Variants in ADAM33 observed in about 807,000 individuals in gnomAD.
ADAM33 encodes ADAM metallopeptidase domain 33.
ADAM33 carries 103 observed loss-of-function variants against 106.2 expected under a neutral mutation model. That is an observed-to-expected ratio of 0.97 (90% CI 0.83 to 1.14). ADAM33 has a LOEUF of 1.14. ADAM33 is among the 50% of genes most tolerant of loss of function. The pLI is 0.00. For missense variants in ADAM33, 1,120 were observed against 1,096.6 expected (o/e 1.02, Z -0.30); for synonymous variants, 483 against 453.0 (o/e 1.07, Z -0.84).
chr20:3,678,999 C>T (rs1000814251), intron 2 of ADAM33, among the ~76,000 whole-genome samples: 4 of 152,062 alleles, frequency 2.6e-5, no homozygotes, highest in Admixed American at 6.6e-5. Context: ...ACTGCCCCCC[C>T]GATACCAGAA....
At chr20:3,676,414 CTTTCTTTTTTTT>C (rs942238982) in intron 3 of ADAM33, among the ~76,000 whole-genome samples, 1 of 150,292 alleles carries the variant, frequency 6.7e-6, no homozygotes, top group African/African-American at 2.5e-5. Flanking sequence ...TTTTTCTTTT[CTTTCTTTTTTTT>C]TTTCTTTTTC....
At chr20:3,671,376 G>A in intron 17 of ADAM33, 31 bp from the exon 18 acceptor site, 20 of 1,611,644 alleles carry the variant, frequency 1.2e-5, no homozygotes, top group Non-Finnish European at 1.7e-5. Flanking sequence ...GGGTCACGTA[G>A]GATTAGGAAC....
rs1183902108 is a variant in ADAM33 at position 3,677,038 on chromosome 20, T to C, written c.254+29A>G. 9 of 1,609,656 alleles carry C rather than the reference T, an allele frequency of 5.6e-6. No homozygotes were observed. In the African/African-American group the frequency reaches 1.2e-4, roughly 22 times the overall value. ...CTGCCCCCCAACACTGATCCCCTCC[T>C]CCCAGCCCTACCCCAGCCTGGCACT... On this transcript the variant is annotated intron_variant, in intron 3 of 21. Coordinates refer to ENST00000356518, the MANE Select transcript of ADAM33 (RefSeq NM_025220.5).
intron 2 of ADAM33, 134 bp downstream of exon 2, chr20:3,679,358 A>AGGCAGGGGC (rs1356842791): frequency 4.8e-6 from 4 of 828,694 alleles, no homozygotes; most frequent in Non-Finnish European, 5.7e-6. Flanking sequence ...GGGGCAGGGG[A>AGGCAGGGGC]GGCAGGGGCC....
intron 3 of ADAM33, among the ~76,000 whole-genome samples, chr20:3,676,710 A>G (rs1462861181): frequency 6.6e-6 from 1 of 152,176 alleles, no homozygotes; most frequent in African/African-American, 2.4e-5. Context: ...AAGCCACCGC[A>G]TCTTGGTCCC....
At chr20:3,681,615 G>A (rs528067165) in intron 1 of ADAM33, among the ~76,000 whole-genome samples, 1 of 152,076 alleles carries the variant, frequency 6.6e-6, no homozygotes. Context: ...ATGGGCTGGG[G>A]GCTGGGCTGC....
At chr20:3,673,997 C>A in intron 8 of ADAM33, 67 bp downstream of exon 8, 1 of 1,609,686 alleles carries the variant, frequency 6.2e-7, no homozygotes, top group Non-Finnish European at 8.5e-7. Flanking sequence ...CTTCCCCAAA[C>A]CCCACCAGCA....
In ADAM33 at chr20:3,675,122, C is replaced by T; in HGVS notation, c.255-17G>A. The T allele has an allele frequency of 1.3e-6, 2 of 1,595,098 alleles. No homozygotes were observed. Among genetic ancestry groups the T allele is most frequent in the South Asian group, 1.1e-5 (1 of 89,724 alleles). ...AGCAGCCTGCTGAGAGGGGGTGTTA[C>T]AGGGAACACTGAATTCAGCTTCCTC... On this transcript the variant is annotated splice_polypyrimidine_tract_variant and intron_variant, in intron 3 of 21. Transcript: ENST00000356518. The surrounding 1 kb of genome is among the most constrained non-coding windows in gnomAD (Gnocchi z 4.1).
chr20:3,677,531 TAGCC>T (rs1568818680), intron 2 of ADAM33, among the ~76,000 whole-genome samples: 1 of 152,126 alleles, frequency 6.6e-6, no homozygotes, highest in African/African-American at 2.4e-5. Context: ...GGGCATCGGG[TAGCC>T]ATGGTCAGGG....
chr20:3,672,512 C>T (rs1412049902), intron 13 of ADAM33, 25 bp downstream of exon 13: 2 of 1,608,800 alleles, frequency 1.2e-6, no homozygotes, highest in Non-Finnish European at 1.7e-6. Flanking sequence ...CCGAAACCCT[C>T]ACCCTGAACC....
intron 1 of ADAM33, 60 bp downstream of exon 1, chr20:3,681,848 C>A: frequency 1.3e-6 from 2 of 1,564,538 alleles, no homozygotes; most frequent in South Asian, 2.4e-5. Flanking sequence ...CAGAACCCAT[C>A]CCCGCCACCA....
chr20:3,672,855 G>A lies in ADAM33; in HGVS notation c.1177C>T (p.Leu393=), dbSNP rs927089566. ...RVFSACSRRQ[L]RAFFRKGGGA... The stretch of plus-strand genomic sequence containing the variant: ...CCCCCCTTGCGGAAGAAGGCGCGCA[G>A]CTGGCGGCGGCTGCAGGCGCTGAAC... The change falls in exon 12 of 22, where the codon CTG becomes TTG. Residue 393 remains leucine, a synonymous_variant. Transcript: ENST00000356518. 10 of 1,576,988 alleles carry A rather than the reference G, an allele frequency of 6.3e-6. No homozygotes were observed. Among genetic ancestry groups the A allele is most frequent in the African/African-American group, 2.7e-5 (2 of 73,656 alleles).
rs979318952 is a variant in ADAM33 at position 3,673,171 on chromosome 20, C to A, written c.1133+183G>T. 9 of 1,510,230 alleles carry A rather than the reference C, an allele frequency of 6.0e-6. No homozygotes were observed. In the East Asian group the frequency reaches 1.7e-4, roughly 29 times the overall value. 93.6% of individuals were successfully genotyped at this position (1,510,230 alleles called of 1,614,324 possible). On this transcript the variant is annotated intron_variant, in intron 11 of 21. Transcript: ENST00000356518. ...GTTACTCGGAAAATAATCTTCATACCGTTGAGAATCCACTTTGCCTGAGCT... is the reference window on the plus strand; with the variant it reads ...GTTACTCGGAAAATAATCTTCATACAGTTGAGAATCCACTTTGCCTGAGCT...
In ADAM33 at chr20:3,674,683, T is replaced by C; in HGVS notation, c.421A>G (p.Thr141Ala). ...TAATAGCTGGCATTCCTGCTGAGGG[T>C]GATCAGGCCACTAGGGTGCAGAGGG... ...CTCSGMSGLITLSRNASYYLR... is the reference protein window; with the variant it reads ...CTCSGMSGLIALSRNASYYLR... Residue 141 changes from threonine (T) to alanine (A), a missense_variant, in exon 6 of 22, where the codon ACC (threonine) becomes GCC (alanine). Transcript: ENST00000356518. 6.2e-7 allele frequency: 1 copy of C among 1,608,954 alleles called. No individual in the cohort carries two copies. Among genetic ancestry groups the C allele is most frequent in the South Asian group, 1.1e-5 (1 of 90,400 alleles).
At chr20:3,677,236 G>T (rs2088052345) in intron 2 of ADAM33, 93 bp from the exon 3 acceptor site, 2 of 1,136,052 alleles carry the variant, frequency 1.8e-6, no homozygotes, top group Non-Finnish European at 2.4e-6. Context: ...TGGGGAGGAA[G>T]TTCTTGGGGA....
In ADAM33 at chr20:3,675,061, T is replaced by C; in HGVS notation, c.299A>G (p.Asp100Gly). ...PGYIETHYGPDGQPVVLAPNH... is the reference protein window; with the variant it reads ...PGYIETHYGPGGQPVVLAPNH... ...GGGGGCCAGCACCACTGGCTGCCCA[T>C]CTGGGCCGTAGTGGGTTTCTATGTA... The change falls in exon 4 of 22, where the codon GAT (aspartate) becomes GGT (glycine). Residue 100 changes from aspartate to glycine, a missense_variant. Asp to Gly is a moderately conservative substitution (Grantham distance 94, BLOSUM62 -1). Coordinates refer to ENST00000356518, the MANE Select transcript of ADAM33 (RefSeq NM_025220.5). This position sits in a 1 kb window ranked among gnomAD's most constrained non-coding sequence, Gnocchi z 4.1. The C allele has an allele frequency of 6.2e-7, 1 of 1,613,406 alleles. No homozygotes were observed. The highest frequency in any genetic ancestry group is 1.3e-5 in the African/African-American group (1 of 75,032).
At position 3,671,935 on chromosome 20, in the gene ADAM33, C is replaced by T. The variant is rs139672396; in HGVS notation, c.1648G>A (p.Asp550Asn). ...ACFQVVNSAGDAHGNCGQDSE... is the reference protein window; with the variant it reads ...ACFQVVNSAGNAHGNCGQDSE... The stretch of plus-strand genomic sequence containing the variant: ...TCCTGGCCGCAGTTTCCATGAGCAT[C>T]TCCCGCAGAGTTCACCACCTGGAAA... Residue 550 changes from aspartate (D) to asparagine (N), a missense_variant, in exon 15 of 22, where the codon GAT becomes AAT. Coordinates refer to ENST00000356518, the MANE Select transcript of ADAM33 (RefSeq NM_025220.5). 148 of 1,556,378 alleles carry T rather than the reference C, an allele frequency of 9.5e-5. No homozygotes were observed. The highest frequency in any genetic ancestry group is 8.3e-4 in the Middle Eastern group (5 of 5,994).
Position 3,673,924 on chromosome 20 carries a change from C to A in ADAM33, c.739-13G>T, listed in dbSNP as rs1035779494. The A allele has an allele frequency of 3.2e-6, 5 of 1,567,938 alleles. No homozygotes were observed. The highest frequency in any genetic ancestry group is 3.4e-6 in the Non-Finnish European group (4 of 1,162,376). On this transcript the variant is annotated splice_polypyrimidine_tract_variant and intron_variant, in intron 8 of 21. Transcript: ENST00000356518. ...GAGTCCTGAGAAGCTGAGGGCGAGG[C>A]GGGGCTGAAGCCGGGACAGGGCGCC...
Position 3,672,176 on chromosome 20 carries a change from A to G in ADAM33, c.1555T>C (p.Cys519Arg), listed in dbSNP as rs1432549895. ...RGSGYCWDGA[C>R]PTLEQQCQQL... ...TGGCACTGCTGCTCCAGCGTGGGACATGCGCCATCCCAGCAGTAGCCACTG... is the reference window on the plus strand; with the variant it reads ...TGGCACTGCTGCTCCAGCGTGGGACGTGCGCCATCCCAGCAGTAGCCACTG... Residue 519 changes from cysteine to arginine, a missense_variant, in exon 14 of 22, where the codon TGT becomes CGT. Transcript: ENST00000356518. 1.2e-6 allele frequency: 2 copies of G among 1,613,216 alleles called. No individual in the cohort carries two copies. Among genetic ancestry groups the G allele is most frequent in the East Asian group, 2.2e-5 (1 of 44,876 alleles).
Sources: gnomAD v4.1 joint callset for allele counts (sites outside exome capture counted in the v4.1 genomes callset) on GRCh38, gnomAD v4.1.1 for gene constraint, Gnocchi (gnomAD v3.1) non-coding constraint, MANE v1.5 for transcripts, NCBI Gene and HGNC (gene_info 2026-07-23, HGNC 2026-07-21) for gene names.